ABTB3: variants seen among roughly 807,000 people sequenced by gnomAD.
ABTB3 encodes the protein ankyrin repeat- and BTB/POZ domain-containing protein 3.
At chr12:107,386,238 C>T in the ABTB3 span, among the ~76,000 whole-genome samples, 1 of 152,178 alleles carries the variant, frequency 6.6e-6, no homozygotes, top group Non-Finnish European at 1.5e-5. Context: ...GAGGCTAGTT[C>T]AAGGTTTCCA....
chr12:107,593,277 T>C, the ABTB3 span, among the ~76,000 whole-genome samples: 2 of 152,172 alleles, frequency 1.3e-5, no homozygotes, highest in Admixed American at 6.5e-5. Context: ...GTAGTTAGGA[T>C]AGAGAACATG....
the ABTB3 span, among the ~76,000 whole-genome samples, chr12:107,335,818 G>T: frequency 1.3e-5 from 2 of 151,354 alleles, no homozygotes; most frequent in East Asian, 3.9e-4. Flanking sequence ...AGAGTGCTGC[G>T]CTTGGAACCT....
chr12:107,586,934 G>C, the ABTB3 span, among the ~76,000 whole-genome samples: 3 of 152,194 alleles, frequency 2.0e-5, no homozygotes, highest in African/African-American at 4.8e-5. Context: ...TGAAATCCTG[G>C]AGAATAAACA....
chr12:107,602,283 TCTA>T, the ABTB3 span, among the ~76,000 whole-genome samples: 1 of 152,206 alleles, frequency 6.6e-6, no homozygotes, highest in South Asian at 2.1e-4. Flanking sequence ...CTGGGTAAGG[TCTA>T]CTGTGATTCT....
chr12:107,654,905 G>A, the ABTB3 span, among the ~76,000 whole-genome samples: 1 of 148,774 alleles, frequency 6.7e-6, no homozygotes, highest in Non-Finnish European at 1.5e-5. Context: ...GGTTTCTCAG[G>A]ACACAAGCAT....
the ABTB3 span, among the ~76,000 whole-genome samples, chr12:107,411,293 C>T: frequency 1.1e-3 from 175 of 152,272 alleles, no homozygotes; most frequent in Non-Finnish European, 1.9e-3. Flanking sequence ...AGCGAGACTC[C>T]GTCTCCCCCC....
the ABTB3 span, among the ~76,000 whole-genome samples, chr12:107,634,267 C>T: frequency 6.6e-6 from 1 of 152,136 alleles, no homozygotes; most frequent in Admixed American, 6.5e-5. Flanking sequence ...TTTTAAAATT[C>T]AAAAGAATAT....
the ABTB3 span, chr12:107,520,181 G>T: frequency 1.0e-6 from 1 of 982,766 alleles, no homozygotes; most frequent in Non-Finnish European, 1.2e-6. Flanking sequence ...TCACATCTAG[G>T]AGTGGATAGC....
chr12:107,512,051 A>G, the ABTB3 span, among the ~76,000 whole-genome samples: 1 of 152,206 alleles, frequency 6.6e-6, no homozygotes, highest in African/African-American at 2.4e-5. Context: ...GTTTTCGCTT[A>G]ATAACTACTG....
At chr12:107,420,425 A>G in the ABTB3 span, among the ~76,000 whole-genome samples, 2 of 152,330 alleles carry the variant, frequency 1.3e-5, no homozygotes, top group African/African-American at 4.8e-5. Flanking sequence ...CATGTCTTAC[A>G]TGGCAGCAGG....
chr12:107,581,392 G>T, the ABTB3 span: 14 of 1,147,978 alleles, frequency 1.2e-5, no homozygotes, highest in East Asian at 2.6e-4. Flanking sequence ...CCCGCTGGGC[G>T]GCCTGAGCCC....
At chr12:107,610,725 G>A in the ABTB3 span, among the ~76,000 whole-genome samples, 1 of 152,062 alleles carries the variant, frequency 6.6e-6, no homozygotes, top group Admixed American at 6.6e-5. Flanking sequence ...GTCTGTTCCT[G>A]CACAGGACAA....
chr12:107,594,895 C>T, the ABTB3 span, among the ~76,000 whole-genome samples: 15 of 151,996 alleles, frequency 9.9e-5, no homozygotes, highest in East Asian at 1.9e-4. Flanking sequence ...CTCAGCACTA[C>T]GACATTTGGG....
At chr12:107,426,316 A>C in the ABTB3 span, among the ~76,000 whole-genome samples, 2 of 152,192 alleles carry the variant, frequency 1.3e-5, no homozygotes, top group Admixed American at 1.3e-4. Context: ...AGCCTGCAAC[A>C]GTGGCTGTGA....
chr12:107,495,435 G>A, the ABTB3 span, among the ~76,000 whole-genome samples: 3 of 152,204 alleles, frequency 2.0e-5, no homozygotes, highest in Admixed American at 6.5e-5. Context: ...CTGGAGGGAG[G>A]CCTGCAGAGG....
chr12:107,350,427 C>T, the ABTB3 span, among the ~76,000 whole-genome samples: 6 of 151,864 alleles, frequency 4.0e-5, no homozygotes, highest in Non-Finnish European at 8.8e-5. Flanking sequence ...GTGGGGGGCG[C>T]CGGTAGTCCC....
the ABTB3 span, chr12:107,618,403 G>A: frequency 2.3e-5 from 36 of 1,587,440 alleles, no homozygotes; most frequent in Admixed American, 5.2e-5. Flanking sequence ...CCTCCACCAC[G>A]GGCACCATGG....
At chr12:107,444,647 C>A in the ABTB3 span, among the ~76,000 whole-genome samples, 4 of 152,166 alleles carry the variant, frequency 2.6e-5, no homozygotes. Flanking sequence ...GTCCCAAACC[C>A]AGGTCTGCTC....
the ABTB3 span, among the ~76,000 whole-genome samples, chr12:107,372,677 C>A: frequency 6.6e-6 from 1 of 152,220 alleles, no homozygotes; most frequent in Non-Finnish European, 1.5e-5. Flanking sequence ...TCTATCACAC[C>A]TGGCAGCCAC....
Sources: gnomAD v4.1 joint callset for allele counts (sites outside exome capture counted in the v4.1 genomes callset) on GRCh38, gnomAD v4.1.1 for gene constraint, MANE v1.5 for transcripts, NCBI Gene and HGNC (gene_info 2026-07-23, HGNC 2026-07-21) for gene names.